Variants in FAM193A observed in about 807,000 individuals in gnomAD.
FAM193A encodes family with sequence similarity 193 member A.
Under a neutral mutation model 126.5 loss-of-function variants are expected in FAM193A, and 22 were observed. That is an observed-to-expected ratio of 0.17 (90% CI 0.12 to 0.25). The LOEUF is 0.25. Ranked by LOEUF, FAM193A falls within the 10% of genes least tolerant of loss-of-function variation. The pLI, the probability that FAM193A is intolerant of heterozygous loss-of-function variation, is 1.00. For missense variants in FAM193A, 1,675 were observed against 1,672.8 expected (o/e 1.00, Z -0.02); for synonymous variants, 761 against 646.8 (o/e 1.18, Z -2.68).
intron 13 of FAM193A, among the ~76,000 whole-genome samples, chr4:2,677,528 C>A (rs1157752633): frequency 4.6e-5 from 7 of 151,778 alleles, no homozygotes; most frequent in Non-Finnish European, 1.0e-4. Flanking sequence ...ATCACGAGGT[C>A]AGGAGATCGA....
chr4:2,729,446 G>T (rs1188343252), intron 20 of FAM193A, among the ~76,000 whole-genome samples: 1 of 152,114 alleles, frequency 6.6e-6, no homozygotes, highest in African/African-American at 2.4e-5. Flanking sequence ...GGCCGGATGG[G>T]GCACTTGCCT....
chr4:2,720,000 G>T (rs1194473342), intron 20 of FAM193A: 7 of 238,622 alleles, frequency 2.9e-5, no homozygotes, highest in South Asian at 2.2e-4. Flanking sequence ...TCGCCACATT[G>T]CCCAGGCTGG....
At chr4:2,685,809 C>T (rs1715671573) in intron 13 of FAM193A, among the ~76,000 whole-genome samples, 1 of 152,184 alleles carries the variant, frequency 6.6e-6, no homozygotes, top group Non-Finnish European at 1.5e-5. Context: ...CCTGGATAAA[C>T]TCAGTGTGTG....
intron 1 of FAM193A, among the ~76,000 whole-genome samples, chr4:2,582,901 C>G (rs775863222): frequency 1.3e-5 from 2 of 152,126 alleles, no homozygotes; most frequent in Non-Finnish European, 1.5e-5. Flanking sequence ...TTGTTTGAAG[C>G]TTTTTGACTT....
rs765452273 is a variant in FAM193A at position 2,659,976 on chromosome 4, G to T, written c.1667G>T (p.Gly556Val). 6.2e-7 allele frequency: 1 copy of T among 1,614,038 alleles called. No homozygotes were observed. The highest frequency in any genetic ancestry group is 8.5e-7 in the Non-Finnish European group (1 of 1,179,998). ...CCCAGTGTGTCATCTGCAAGCTCGGGGTCCGGCTCCAGCTCTCCCATCACA... is the reference window on the plus strand; with the variant it reads ...CCCAGTGTGTCATCTGCAAGCTCGGTGTCCGGCTCCAGCTCTCCCATCACA... ...SPPSVSSASS[G>V]SGSSSPITIQ... The change falls in exon 10 of 21, where the codon GGG (glycine) becomes GTG (valine). Residue 556 changes from glycine (G) to valine (V), a missense_variant. Transcript: ENST00000637812.
At chr4:2,608,978 C>T (rs1741702440) in intron 2 of FAM193A, among the ~76,000 whole-genome samples, 1 of 150,958 alleles carries the variant, frequency 6.6e-6, no homozygotes, top group African/African-American at 2.4e-5. Flanking sequence ...GCAAGCTCTG[C>T]CTCCCGGGTT....
intron 19 of FAM193A, among the ~76,000 whole-genome samples, chr4:2,710,883 G>A (rs1280021189): frequency 3.4e-5 from 4 of 118,870 alleles, no homozygotes; most frequent in African/African-American, 6.6e-5. Flanking sequence ...ACAGAGTCTC[G>A]CTCTTTCGCC....
intron 20 of FAM193A, among the ~76,000 whole-genome samples, chr4:2,727,610 A>G (rs1240395378): frequency 6.6e-6 from 1 of 152,210 alleles, no homozygotes; most frequent in Non-Finnish European, 1.5e-5. Context: ...CATTTGGGAT[A>G]CCCATTTGTC....
chr4:2,695,084 C>G lies in FAM193A; in HGVS notation c.3231C>G (p.Gly1077=). ...STSTSTNQKE[G]KYCDCCYCEF... ...CGACCTCCACCAACCAGAAGGAGGG[C>G]AAGTACTGCGACTGCTGCTACTGCG... The change falls in exon 17 of 21, where the codon GGC becomes GGG. Residue 1077 remains glycine (G), a synonymous_variant. Transcript: ENST00000637812. The G allele has an allele frequency of 1.9e-6, 3 of 1,607,696 alleles. No individual in the cohort carries two copies. Among genetic ancestry groups the G allele is most frequent in the Non-Finnish European group, 2.5e-6 (3 of 1,176,852 alleles).
intron 1 of FAM193A, among the ~76,000 whole-genome samples, chr4:2,540,654 A>G (rs2108801150): frequency 6.6e-6 from 1 of 152,088 alleles, no homozygotes; most frequent in East Asian, 2.0e-4. Context: ...TCTCAAAAAA[A>G]CAAACGAACA....
At chr4:2,559,703 G>C (rs893078284) in intron 1 of FAM193A, among the ~76,000 whole-genome samples, 6 of 152,156 alleles carry the variant, frequency 3.9e-5, no homozygotes, top group African/African-American at 1.4e-4. Context: ...TCTTCCACCT[G>C]CCTTTGTACG....
At chr4:2,608,181 T>C in intron 2 of FAM193A, 1 of 1,526,896 alleles carries the variant, frequency 6.5e-7, no homozygotes, top group Non-Finnish European at 9.0e-7. Context: ...CCAAGAGGAC[T>C]TCATTTTTCT....
intron 1 of FAM193A, among the ~76,000 whole-genome samples, chr4:2,542,376 G>T (rs771805275): frequency 5.3e-5 from 8 of 152,060 alleles, no homozygotes; most frequent in Non-Finnish European, 1.0e-4. Context: ...CTGACCTCAA[G>T]TGATCTATCT....
chr4:2,628,689 G>A (rs1743218712), intron 4 of FAM193A, among the ~76,000 whole-genome samples: 1 of 152,126 alleles, frequency 6.6e-6, no homozygotes, highest in Non-Finnish European at 1.5e-5. Context: ...AGGAAAAAAT[G>A]TATAACCTTC....
chr4:2,731,196 CAAAAAAAAAA>C (rs546217602), intron 20 of FAM193A, among the ~76,000 whole-genome samples: 20 of 86,866 alleles, frequency 2.3e-4, no homozygotes, highest in Non-Finnish European at 4.1e-4. Flanking sequence ...AACTCCTTCT[CAAAAAAAAAA>C]AAAAAAAAAA....
intron 1 of FAM193A, among the ~76,000 whole-genome samples, chr4:2,545,869 G>A (rs977407020): frequency 1.3e-5 from 2 of 152,136 alleles, no homozygotes; most frequent in East Asian, 3.9e-4. Flanking sequence ...AAAATTTAAG[G>A]CCAGGTGCGG....
intron 20 of FAM193A, among the ~76,000 whole-genome samples, chr4:2,722,028 T>A (rs1577275708): frequency 6.6e-6 from 1 of 152,190 alleles, no homozygotes; most frequent in Non-Finnish European, 1.5e-5. Flanking sequence ...TACTAACATT[T>A]AGGATGTCAT....
At chr4:2,639,674 A>T in intron 5 of FAM193A, 61 bp from the exon 6 acceptor site, 1 of 1,451,776 alleles carries the variant, frequency 6.9e-7, no homozygotes, top group African/African-American at 1.4e-5. Context: ...CCCTCTGGGA[A>T]TTTTCTAGTC....
At chr4:2,610,136 G>A (rs1741775771) in intron 2 of FAM193A, among the ~76,000 whole-genome samples, 1 of 152,078 alleles carries the variant, frequency 6.6e-6, no homozygotes, top group Non-Finnish European at 1.5e-5. Context: ...GGAGGCTGAG[G>A]CAGGAGAATC....
Sources: gnomAD v4.1 joint callset for allele counts (sites outside exome capture counted in the v4.1 genomes callset) on GRCh38, gnomAD v4.1.1 for gene constraint, MANE v1.5 for transcripts, NCBI Gene and HGNC (gene_info 2026-07-23, HGNC 2026-07-21) for gene names.